Variants in E2F3 observed in about 807,000 individuals in gnomAD.
The protein encoded by E2F3 is E2F transcription factor 3, also known as transcription factor E2F3.
E2F3 carries 11 observed loss-of-function variants against 44.4 expected under a neutral mutation model. That is an observed-to-expected ratio of 0.25 (90% CI 0.16 to 0.41). The LOEUF (loss-of-function observed/expected upper bound fraction) is 0.41. E2F3 is among the 10% of genes least tolerant of loss of function. The pLI, the probability that E2F3 is intolerant of heterozygous loss-of-function variation, is 1.00. For synonymous variants in E2F3, 249 were observed against 253.0 expected (o/e 0.98, Z 0.15); for missense variants, 487 against 583.6 (o/e 0.83, Z 1.70).
At chr6:20,447,541 C>CTTT (rs113706367) in intron 1 of E2F3, among the ~76,000 whole-genome samples, 3 of 144,244 alleles carry the variant, frequency 2.1e-5, no homozygotes, top group African/African-American at 7.6e-5. Flanking sequence ...TCTCAGCAAT[C>CTTT]TTTTTTTTTT....
chr6:20,451,268 CTTG>C (rs1761122031), intron 1 of E2F3, among the ~76,000 whole-genome samples: 1 of 151,920 alleles, frequency 6.6e-6, no homozygotes, highest in Non-Finnish European at 1.5e-5. Flanking sequence ...GTTTTTAATT[CTTG>C]TTGTAGAGAT....
intron 1 of E2F3, among the ~76,000 whole-genome samples, chr6:20,436,452 A>AACAC (rs765678025): frequency 0.04 from 5,793 of 146,288 alleles, 114 homozygotes; most frequent in Middle Eastern, 0.066. Flanking sequence ...TGAGCTAGGA[A>AACAC]ACACACACAC....
rs1398323180 is a variant in E2F3 at position 20,401,974 on chromosome 6, G to T, written c.-259G>T. 6.8e-6 allele frequency: 3 copies of T among 442,274 alleles called. No homozygotes were observed. The highest frequency in any genetic ancestry group is 7.4e-6 in the Non-Finnish European group (2 of 269,458). The allele number at this position is 442,274 out of a possible 1,614,324, so 27.4% of individuals were successfully genotyped here. On this transcript the variant is annotated 5_prime_UTR_variant, in exon 1 of 7. Coordinates refer to ENST00000346618, the MANE Select transcript of E2F3 (RefSeq NM_001949.5). ...CGCCTCGCAATCCGTTGCATCGGCC[G>T]CCCCCGACGCCTCCATCCCCGCTTG...
At chr6:20,472,968 G>A (rs1400276327) in intron 1 of E2F3, among the ~76,000 whole-genome samples, 1 of 152,184 alleles carries the variant, frequency 6.6e-6, no homozygotes, top group East Asian at 1.9e-4. Flanking sequence ...ATAGAAAAGT[G>A]TGTGTTTTGC....
intron 1 of E2F3, among the ~76,000 whole-genome samples, chr6:20,468,372 A>AT (rs1419825464): frequency 6.6e-6 from 1 of 152,224 alleles, no homozygotes; most frequent in East Asian, 1.9e-4. Context: ...AGAACTCAGG[A>AT]AACATTGAGG....
chr6:20,465,670 G>A lies in E2F3; in HGVS notation c.394-14176G>A, dbSNP rs1761677712. Among the ~76,000 whole-genome samples the A allele has an allele frequency of 2.0e-5, 3 of 152,150 alleles. No homozygotes were observed. The South Asian group carries it at 6.2e-4, about 31-fold the overall frequency. ...TATGCCTTTGCATCCTCATAGCTTA[G>A]CTCCCACCTATGAGTGAGAACATAC... On this transcript the variant is annotated intron_variant, in intron 1 of 6. Coordinates refer to ENST00000346618, the MANE Select transcript of E2F3 (RefSeq NM_001949.5).
Position 20,401,891 on chromosome 6 carries a change from C to A in E2F3, c.-342C>A. ...ACCGTATCCCTTCATTCATTGTCAGCAGCAGCTTCCTGGAGCCATTTTTCA... is the reference window on the plus strand; with the variant it reads ...ACCGTATCCCTTCATTCATTGTCAGAAGCAGCTTCCTGGAGCCATTTTTCA... On this transcript the variant is annotated 5_prime_UTR_variant, in exon 1 of 7. Coordinates refer to ENST00000346618, the MANE Select transcript of E2F3 (RefSeq NM_001949.5). 2.7e-6 allele frequency: 1 copy of A among 371,422 alleles called. No homozygotes were observed. The highest frequency in any genetic ancestry group is 4.8e-6 in the Non-Finnish European group (1 of 209,626). 23.0% of individuals were successfully genotyped at this position (371,422 alleles called of 1,614,324 possible). A position where few individuals can be genotyped will look rare whatever the true frequency, so the allele number is the denominator to read the frequency against.
Position 20,402,494 on chromosome 6 carries a change from G to A in E2F3, c.262G>A (p.Ala88Thr), listed in dbSNP as rs1490330303. 2 of 1,606,180 alleles carry A rather than the reference G, an allele frequency of 1.2e-6. No homozygotes were observed. The highest frequency in any genetic ancestry group is 1.7e-5 in the Admixed American group (1 of 59,890). ...AGCCGCCGGCCCCCTCCTCCCCAGT[G>A]CCCCCGGCGCGGAGCAGACCGCCGG... Reference protein sequence around the residue: ...AVAAGPLLPSAPGAEQTAGSL... With the variant: ...AVAAGPLLPSTPGAEQTAGSL... The change falls in exon 1 of 7, where the codon GCC becomes ACC. Residue 88 changes from alanine (A) to threonine (T), a missense_variant. Coordinates refer to ENST00000346618, the MANE Select transcript of E2F3 (RefSeq NM_001949.5). The surrounding 1 kb of genome is among the most constrained non-coding windows in gnomAD (Gnocchi z 5.6).
chr6:20,407,778 A>G (rs993641574), intron 1 of E2F3, among the ~76,000 whole-genome samples: 1 of 152,220 alleles, frequency 6.6e-6, no homozygotes, highest in Admixed American at 6.5e-5. Flanking sequence ...TTGTAGGACC[A>G]GTTTACATCT....
intron 1 of E2F3, among the ~76,000 whole-genome samples, chr6:20,411,460 G>A (rs960772590): frequency 1.4e-4 from 21 of 152,014 alleles, no homozygotes; most frequent in African/African-American, 5.1e-4. Context: ...CCTTCGCCTT[G>A]CCCTCTGCCT....
chr6:20,418,098 C>T (rs2328488), intron 1 of E2F3, among the ~76,000 whole-genome samples: 31,638 of 152,126 alleles, frequency 0.21, 3,955 homozygotes, highest in South Asian at 0.31. Flanking sequence ...TCAGGGTAGA[C>T]AAGGGGTGGC....
chr6:20,467,642 T>A lies in E2F3; in HGVS notation c.394-12204T>A, dbSNP rs114960382. ...TTCTGTGAGTCTACTGGCTGAAGCA[T>A]AGATTGACTGAAATCTGAACTTGGT... On this transcript the variant is annotated intron_variant, in intron 1 of 6. Coordinates refer to ENST00000346618, the MANE Select transcript of E2F3 (RefSeq NM_001949.5). Among the ~76,000 whole-genome samples the A allele has an allele frequency of 5.7e-3, 863 of 152,330 alleles. 4 individuals are homozygous for A. The highest frequency in any genetic ancestry group is 0.033 in the South Asian group (161 of 4,822).
At chr6:20,404,785 A>G (rs891345739) in intron 1 of E2F3, among the ~76,000 whole-genome samples, 2 of 152,178 alleles carry the variant, frequency 1.3e-5, no homozygotes, top group East Asian at 3.8e-4. Flanking sequence ...CTGCTTAGAC[A>G]TAGCAGTATC....
At chr6:20,417,823 T>TTA (rs1279869046) in intron 1 of E2F3, among the ~76,000 whole-genome samples, 4 of 152,124 alleles carry the variant, frequency 2.6e-5, no homozygotes, top group Non-Finnish European at 5.9e-5. Flanking sequence ...CCAGGTTCTG[T>TTA]TATATATAGT....
chr6:20,488,542 G>A lies in E2F3; in HGVS notation c.1135+294G>A, dbSNP rs145467820. 5.0e-3 allele frequency among the ~76,000 whole-genome samples: 759 copies of A among 152,266 alleles called. 8 individuals are homozygous for A. The highest frequency in any genetic ancestry group is 0.015 in the African/African-American group (627 of 41,538). The stretch of plus-strand genomic sequence containing the variant: ...AGCAAAGCTGTGAACTGTCTTGTTG[G>A]ATCATCAGAGACACTTGGCCACACA... On this transcript the variant is annotated intron_variant, in intron 6 of 6. Transcript: ENST00000346618.
chr6:20,471,126 T>G (rs778013989), intron 1 of E2F3, among the ~76,000 whole-genome samples: 3 of 152,272 alleles, frequency 2.0e-5, no homozygotes, highest in Non-Finnish European at 2.9e-5. Context: ...CCTTAGATAC[T>G]TGCTTTCTAT....
At chr6:20,411,166 G>T (rs1312167571) in intron 1 of E2F3, among the ~76,000 whole-genome samples, 1 of 152,182 alleles carries the variant, frequency 6.6e-6, no homozygotes, top group Non-Finnish European at 1.5e-5. Context: ...TTATTTCTGT[G>T]ATTAAATGTA....
chr6:20,419,248 T>C (rs1221391896), intron 1 of E2F3, among the ~76,000 whole-genome samples: 1 of 152,232 alleles, frequency 6.6e-6, no homozygotes, highest in Non-Finnish European at 1.5e-5. Flanking sequence ...ATTTTAACTA[T>C]TGCTATTATG....
chr6:20,425,681 A>T (rs1760193568), intron 1 of E2F3, among the ~76,000 whole-genome samples: 1 of 152,202 alleles, frequency 6.6e-6, no homozygotes, highest in Admixed American at 6.5e-5. Context: ...TACAGGCGTG[A>T]GCCACTGCGC....
Sources: allele counts gnomAD v4.1 joint callset (sites outside exome capture counted in the v4.1 genomes callset), GRCh38; gene constraint gnomAD v4.1.1; non-coding constraint Gnocchi (gnomAD v3.1); transcripts MANE v1.5; gene names NCBI Gene and HGNC (gene_info 2026-07-23, HGNC 2026-07-21).